Variants in MMP9 observed in about 807,000 individuals in gnomAD.
The protein encoded by MMP9 is matrix metalloproteinase-9.
MMP9 carries 73 observed loss-of-function variants against 76.4 expected under a neutral mutation model. The ratio of observed to expected loss-of-function variants is 0.96; its 90% CI spans 0.79 to 1.16. MMP9 has a LOEUF of 1.16. Among genes scored for constraint, MMP9 ranks in the 50% most tolerant of loss-of-function variants. The pLI is 0.00. For synonymous variants in MMP9, 412 were observed against 408.4 expected (o/e 1.01, Z -0.11); for missense variants, 943 against 973.0 (o/e 0.97, Z 0.41).
chr20:46,010,188 G>A (rs1040073032), intron 2 of MMP9, 90 bp downstream of exon 2: 12 of 1,218,438 alleles, frequency 9.8e-6, no homozygotes, highest in South Asian at 1.4e-5. Flanking sequence ...TCTTGGACGC[G>A]TCCCTGGGTT....
chr20:46,009,442 C>T (rs1227931751), intron 1 of MMP9, among the ~76,000 whole-genome samples: 1 of 151,866 alleles, frequency 6.6e-6, no homozygotes, highest in African/African-American at 2.4e-5. Context: ...AGGGGAGATC[C>T]CTGGGTGGTC....
At position 46,012,539 on chromosome 20, in the gene MMP9, C is replaced by A. The variant is rs2084289418; in HGVS notation, c.1287C>A (p.Pro429=). 3.1e-6 allele frequency: 5 copies of A among 1,613,954 alleles called. No individual in the cohort carries two copies. The African/African-American group carries it at 5.3e-5, about 17-fold the overall frequency. Residue 429 remains proline, a synonymous_variant, in exon 8 of 13, where the codon CCC becomes CCA. Coordinates refer to ENST00000372330, the MANE Select transcript of MMP9 (RefSeq NM_004994.3). ...MYPMYRFTEG[P]PLHKDDVNGI... Reference sequence around the variant, plus strand: ...CTATGTACCGCTTCACTGAGGGGCCCCCCTTGCATAAGGACGACGTGAATG... The same window carrying A: ...CTATGTACCGCTTCACTGAGGGGCCACCCTTGCATAAGGACGACGTGAATG...
In MMP9 at chr20:46,014,217, G is replaced by A. The variant is rs1261219645; in HGVS notation, c.1844G>A (p.Gly615Glu). The A allele has an allele frequency of 2.6e-6, 4 of 1,537,642 alleles. No homozygotes were observed. In the Admixed American group the frequency reaches 7.9e-5, roughly 30 times the overall value. Reference sequence around the variant, plus strand: ...GGAGCCGACGTGGCCCAGGTGACCGGGGCCCTCCGGAGTGGCAGGGGGAAG... The same window carrying A: ...GGAGCCGACGTGGCCCAGGTGACCGAGGCCCTCCGGAGTGGCAGGGGGAAG... ...GLGADVAQVT[G>E]ALRSGRGKML... Residue 615 changes from glycine (G) to glutamate (E), a missense_variant, in exon 11 of 13, where the codon GGG becomes GAG. Coordinates refer to ENST00000372330, the MANE Select transcript of MMP9 (RefSeq NM_004994.3).
rs1169417910 is a variant in MMP9, at chr20:46,013,323, G to T, written c.1399G>T (p.Val467Phe). 1 of 1,613,864 alleles carries T rather than the reference G, an allele frequency of 6.2e-7. No homozygotes were observed. Among genetic ancestry groups the T allele is most frequent in the Non-Finnish European group, 8.5e-7 (1 of 1,179,958 alleles). ...ACCGCAGCCCACGGCTCCCCCGACG[G>T]TCTGCCCCACCGGACCCCCCACTGT... is the stretch of plus-strand genomic sequence containing the variant. ...TTPQPTAPPTVCPTGPPTVHP... is the reference protein window; with the variant it reads ...TTPQPTAPPTFCPTGPPTVHP... Residue 467 changes from valine (V) to phenylalanine (F), a missense_variant, in exon 9 of 13, where the codon GTC becomes TTC. Coordinates refer to ENST00000372330, the MANE Select transcript of MMP9 (RefSeq NM_004994.3). The surrounding 1 kb of genome is among the most constrained non-coding windows in gnomAD (Gnocchi z 4.5).
In MMP9 at chr20:46,011,128, C is replaced by G; in HGVS notation, c.650-15C>G. ...TCACCCGCCGCCCTAACTCCGGTCC[C>G]CCCTCCTCCTGCAGTGGTTCCAACT... On this transcript the variant is annotated splice_polypyrimidine_tract_variant and intron_variant, in intron 4 of 12. Coordinates refer to ENST00000372330, the MANE Select transcript of MMP9 (RefSeq NM_004994.3). The G allele has an allele frequency of 1.2e-6, 2 of 1,614,092 alleles. No individual in the cohort carries two copies. The highest frequency in any genetic ancestry group is 1.7e-6 in the Non-Finnish European group (2 of 1,180,038).
chr20:46,014,737 C>T (rs942863741), intron 12 of MMP9: 9 of 551,312 alleles, frequency 1.6e-5, no homozygotes, highest in Non-Finnish European at 2.3e-5. Flanking sequence ...TGTATGGAAG[C>T]TCAGTTATTA....
At position 46,013,482 on chromosome 20, in the gene MMP9, A is replaced by C. The variant is rs551960298; in HGVS notation, c.1558A>C (p.Ile520Leu). 2 of 1,614,100 alleles carry C rather than the reference A, an allele frequency of 1.2e-6. No individual in the cohort carries two copies. Among genetic ancestry groups the C allele is most frequent in the Admixed American group, 3.3e-5 (2 of 60,010 alleles). The change falls in exon 9 of 13, where the codon ATC becomes CTC. Residue 520 changes from isoleucine (I) to leucine (L), a missense_variant. Ile to Leu is a conservative substitution (Grantham distance 5, BLOSUM62 2). Transcript: ENST00000372330. This position sits in a 1 kb window ranked among gnomAD's most constrained non-coding sequence, Gnocchi z 4.5. ...GGTGGACGATGCCTGCAACGTGAAC[A>C]TCTTCGACGCCATCGCGGAGATTGG... ...SPVDDACNVN[I>L]FDAIAEIGNQ...
At position 46,010,111 on chromosome 20, in the gene MMP9, C is replaced by T. The variant is rs2084265944; in HGVS notation, c.371+13C>T. 3 of 873,842 alleles carry T rather than the reference C, an allele frequency of 3.4e-6. No individual in the cohort carries two copies. The highest frequency in any genetic ancestry group is 3.5e-6 in the Non-Finnish European group (2 of 575,240). The allele number at this position is 873,842 out of a possible 1,614,324, so 54.1% of individuals were successfully genotyped here. On this transcript the variant is annotated intron_variant, in intron 2 of 12. Transcript: ENST00000372330. ...ACATCACCTATTGGTGAGCCGGGGC[C>T]GTGGGGGCAGCGGGGTGGGGCGGGG...
chr20:46,013,988 A>T lies in MMP9; in HGVS notation c.1751-136A>T. 1 of 1,438,870 alleles carries T rather than the reference A, an allele frequency of 6.9e-7. No homozygotes were observed. The highest frequency in any genetic ancestry group is 9.4e-7 in the Non-Finnish European group (1 of 1,069,368). 89.1% of individuals were successfully genotyped at this position (1,438,870 alleles called of 1,614,324 possible). A position where few individuals can be genotyped will look rare whatever the true frequency, so the allele number is the denominator to read the frequency against. On this transcript the variant is annotated intron_variant, in intron 10 of 12. Coordinates refer to ENST00000372330, the MANE Select transcript of MMP9 (RefSeq NM_004994.3). This position sits in a 1 kb window ranked among gnomAD's most constrained non-coding sequence, Gnocchi z 4.5. ...TCCACGCCCTCGCGTCGCTCTACCC[A>T]GCGCCTCTGCCCCTGGGTTGCAGGG...
rs201995611 is a variant in MMP9, at chr20:46,012,218, C to A, written c.1079C>A (p.Thr360Asn). ...PFTFLGKEYS[T>N]CTSEGRGDGR... ...ACTTTCCTGGGTAAGGAGTACTCGA[C>A]CTGTACCAGCGAGGGCCGCGGAGAT... The change falls in exon 7 of 13, where the codon ACC becomes AAC. Residue 360 changes from threonine (T) to asparagine (N), a missense_variant. Physicochemically the swap from Thr to Asn is moderately conservative, Grantham distance 65 (BLOSUM62 0). Coordinates refer to ENST00000372330, the MANE Select transcript of MMP9 (RefSeq NM_004994.3). 2.8e-5 allele frequency: 46 copies of A among 1,614,076 alleles called. No individual in the cohort carries two copies. The highest frequency in any genetic ancestry group is 8.3e-5 in the Admixed American group (5 of 60,004).
At position 46,010,333 on chromosome 20, in the gene MMP9, A is replaced by AACAAAAAAAAAAAAAAAAC. The variant is rs1555856969; in HGVS notation, c.372-149_372-148insCAAAAAAAAAAAAAAAACA. The stretch of plus-strand genomic sequence containing the variant: ...GGGTCTAAGTAGACAAAAAAAAAAA[A>AACAAAAAAAAAAAAAAAAC]AAAAAAAACAGTCTGGAAGCAATTT... On this transcript the variant is annotated intron_variant, in intron 2 of 12. Coordinates refer to ENST00000372330, the MANE Select transcript of MMP9 (RefSeq NM_004994.3). 5 of 828,820 alleles carry AACAAAAAAAAAAAAAAAAC rather than the reference A, an allele frequency of 6.0e-6. No individual in the cohort carries two copies. In the African/African-American group the frequency reaches 1.1e-4, roughly 18 times the overall value. 51.3% of individuals were successfully genotyped at this position (828,820 alleles called of 1,614,324 possible). A position where few individuals can be genotyped will look rare whatever the true frequency, so the allele number is the denominator to read the frequency against.
At position 46,012,530 on chromosome 20, in the gene MMP9, T is replaced by C; in HGVS notation, c.1278T>C (p.Thr426=). 6.2e-7 allele frequency: 1 copy of C among 1,614,104 alleles called. No homozygotes were observed. The highest frequency in any genetic ancestry group is 2.2e-5 in the East Asian group (1 of 44,882). The change falls in exon 8 of 13, where the codon ACT becomes ACC. Residue 426 remains threonine (T), a synonymous_variant. Coordinates refer to ENST00000372330, the MANE Select transcript of MMP9 (RefSeq NM_004994.3). The part of the protein sequence containing the change: ...EALMYPMYRF[T]EGPPLHKDDV... ...TCATGTACCCTATGTACCGCTTCACTGAGGGGCCCCCCTTGCATAAGGACG... is the reference window on the plus strand; with the variant it reads ...TCATGTACCCTATGTACCGCTTCACCGAGGGGCCCCCCTTGCATAAGGACG...
chr20:46,010,617 A>G lies in MMP9; in HGVS notation c.506A>G (p.Gln169Arg), dbSNP rs1186571087. 1 of 1,613,712 alleles carries G rather than the reference A, an allele frequency of 6.2e-7. No homozygotes were observed. The highest frequency in any genetic ancestry group is 1.6e-4 in the Middle Eastern group (1 of 6,062). The change falls in exon 3 of 13, where the codon CAG becomes CGG. Residue 169 changes from glutamine (Q) to arginine (R), a missense_variant. Transcript: ENST00000372330. ...AGCCGGGACGCAGACATCGTCATCC[A>G]GTTTGGTGTCGCGGGTGAGAACGTG... ...VYSRDADIVI[Q>R]FGVAEHGDGY...
In MMP9 at chr20:46,014,155, G is replaced by C. The variant is rs2084303925; in HGVS notation, c.1782G>C (p.Ser594=). 1 of 1,537,390 alleles carries C rather than the reference G, an allele frequency of 6.5e-7. No individual in the cohort carries two copies. The highest frequency in any genetic ancestry group is 8.7e-7 in the Non-Finnish European group (1 of 1,146,578). ...AGGTGTGGGTGTACACAGGCGCGTC[G>C]GTGCTGGGCCCGAGGCGTCTGGACA... ...GRQVWVYTGA[S]VLGPRRLDKL... The change falls in exon 11 of 13, where the codon TCG becomes TCC. Residue 594 remains serine, a synonymous_variant. Coordinates refer to ENST00000372330, the MANE Select transcript of MMP9 (RefSeq NM_004994.3).
rs751263874 is a variant in MMP9 at position 46,013,825 on chromosome 20, C to G, written c.1750+29C>G. Reference sequence around the variant, plus strand: ...AGTTACCTACTTTCCCTCCCCCGCCCGGTCAATCCCCATCAGTCAAGGAGG... The same window carrying G: ...AGTTACCTACTTTCCCTCCCCCGCCGGGTCAATCCCCATCAGTCAAGGAGG... On this transcript the variant is annotated intron_variant, in intron 10 of 12. Coordinates refer to ENST00000372330, the MANE Select transcript of MMP9 (RefSeq NM_004994.3). This position sits in a 1 kb window ranked among gnomAD's most constrained non-coding sequence, Gnocchi z 4.5. 6.8e-6 allele frequency: 11 copies of G among 1,610,870 alleles called. No homozygotes were observed. The highest frequency in any genetic ancestry group is 8.5e-6 in the Non-Finnish European group (10 of 1,179,446).
rs996062494 is a variant in MMP9 at position 46,010,038 on chromosome 20, T to C, written c.311T>C (p.Leu104Pro). The C allele has an allele frequency of 3.9e-6, 6 of 1,547,826 alleles. No homozygotes were observed. The African/African-American group carries it at 4.1e-5, about 11-fold the overall frequency. ...ACCCCACGGTGCGGGGTCCCAGACC[T>C]GGGCAGATTCCAAACCTTTGAGGGC... ...MRTPRCGVPD[L>P]GRFQTFEGDL... Residue 104 changes from leucine (L) to proline (P), a missense_variant, in exon 2 of 13, where the codon CTG (leucine) becomes CCG (proline). Physicochemically the swap from Leu to Pro is moderately conservative, Grantham distance 98 (BLOSUM62 -3). Coordinates refer to ENST00000372330, the MANE Select transcript of MMP9 (RefSeq NM_004994.3).
At position 46,016,437 on chromosome 20, in the gene MMP9, T is replaced by A. The variant is rs1387712586; in HGVS notation, c.*69T>A. On this transcript the variant is annotated 3_prime_UTR_variant, in exon 13 of 13. Coordinates refer to ENST00000372330, the MANE Select transcript of MMP9 (RefSeq NM_004994.3). ...GACCAACCCTGGGGAAGGAGCCAGTTTGCCGGATACAAACTGGTATTCTGT... is the reference window on the plus strand; with the variant it reads ...GACCAACCCTGGGGAAGGAGCCAGTATGCCGGATACAAACTGGTATTCTGT... 2.3e-6 allele frequency: 3 copies of A among 1,278,008 alleles called. No homozygotes were observed. The highest frequency in any genetic ancestry group is 3.4e-6 in the Non-Finnish European group (3 of 874,072). The allele number at this position is 1,278,008 out of a possible 1,614,324, so 79.2% of individuals were successfully genotyped here.
chr20:46,010,132 C>T, intron 2 of MMP9, 34 bp downstream of exon 2: 4 of 850,784 alleles, frequency 4.7e-6, no homozygotes, highest in South Asian at 1.4e-5. Flanking sequence ...CGGGGTGGGG[C>T]GGGGAGGCCA....
chr20:46,013,222 A>G lies in MMP9; in HGVS notation c.1331-33A>G. On this transcript the variant is annotated intron_variant, in intron 8 of 12. Transcript: ENST00000372330. The surrounding 1 kb of genome is among the most constrained non-coding windows in gnomAD (Gnocchi z 4.5). Reference sequence around the variant, plus strand: ...TCTAGGGGTACAGAGGTATGCAGGAATAGGAAGAGTCTCACCCCGTGTCTC... The same window carrying G: ...TCTAGGGGTACAGAGGTATGCAGGAGTAGGAAGAGTCTCACCCCGTGTCTC... The G allele has an allele frequency of 6.2e-7, 1 of 1,613,686 alleles. No individual in the cohort carries two copies. Among genetic ancestry groups the G allele is most frequent in the Admixed American group, 1.7e-5 (1 of 60,018 alleles).
Sources: gnomAD v4.1 joint callset for allele counts (sites outside exome capture counted in the v4.1 genomes callset) on GRCh38, gnomAD v4.1.1 for gene constraint, Gnocchi (gnomAD v3.1) non-coding constraint, MANE v1.5 for transcripts, NCBI Gene and HGNC (gene_info 2026-07-23, HGNC 2026-07-21) for gene names.